The following PDE4D variants were observed in gnomAD, a reference collection of about 807,000 sequenced individuals.
The protein encoded by PDE4D is phosphodiesterase 4D, also known as 3',5'-cyclic-AMP phosphodiesterase 4D.
Under a neutral mutation model 87.4 loss-of-function variants are expected in PDE4D, and 24 were observed. The ratio of observed to expected loss-of-function variants is 0.27; its 90% CI spans 0.20 to 0.39. PDE4D has a LOEUF of 0.39. Ranked by LOEUF, PDE4D falls within the 10% of genes least tolerant of loss-of-function variation. The pLI, the probability that PDE4D is intolerant of heterozygous loss-of-function variation, is 1.00. For synonymous variants in PDE4D, 384 were observed against 383.2 expected, an observed-to-expected ratio of 1.00 and a Z score of -0.02; for missense variants, 714 against 1,041.0, an observed-to-expected ratio of 0.69 and a Z score of 4.32.
intron 1 of PDE4D, among the ~76,000 whole-genome samples, chr5:59,715,384 G>A (rs1346802308): frequency 6.6e-6 from 1 of 152,200 alleles, no homozygotes; most frequent in East Asian, 1.9e-4. Context: ...ATTTAAGGAA[G>A]GGCATCCCCC....
chr5:59,963,308 G>A (rs184858957), intron 3 of PDE4D, among the ~76,000 whole-genome samples: 59 of 152,230 alleles, frequency 3.9e-4, no homozygotes, highest in Admixed American at 2.6e-3. Flanking sequence ...GTAACATTTT[G>A]ATTAATTCCC....
At chr5:59,050,487 T>C in intron 5 of PDE4D, among the ~76,000 whole-genome samples, 1 of 152,302 alleles carries the variant, frequency 6.6e-6, no homozygotes. Context: ...GAGAACAAAT[T>C]TCAGAACTCA....
intron 1 of PDE4D, among the ~76,000 whole-genome samples, chr5:60,505,593 G>C (rs1377349382): frequency 6.6e-6 from 1 of 152,150 alleles, no homozygotes; most frequent in South Asian, 2.1e-4. Context: ...GATTTAGCAG[G>C]CAAATTTACA....
In PDE4D at chr5:59,974,952, C is replaced by T. The variant is rs553458664; in HGVS notation, c.272+13536G>A. ...CTAACCTCTCTCAAATTTGACTCTT[C>T]GCTAAAGATGTCACTTCCCTGTGGT... is the stretch of plus-strand genomic sequence containing the variant. On this transcript the variant is annotated intron_variant, in intron 3 of 16. Coordinates refer to the PDE4D transcript ENST00000502484. Among the ~76,000 whole-genome samples, 5 of 152,270 alleles carry T rather than the reference C, an allele frequency of 3.3e-5. No individual in the cohort carries two copies. In the South Asian group the frequency reaches 1.0e-3, roughly 32 times the overall value.
At chr5:59,274,183 TTAAA>T (rs1285871738) in intron 1 of PDE4D, among the ~76,000 whole-genome samples, 1 of 152,156 alleles carries the variant, frequency 6.6e-6, no homozygotes, top group Non-Finnish European at 1.5e-5. Context: ...AATCTTTTCT[TTAAA>T]TAAACTCAAG....
chr5:58,977,583 A>G lies in PDE4D; in HGVS notation c.1553-238T>C, dbSNP rs566595936. Among the ~76,000 whole-genome samples the G allele has an allele frequency of 5.9e-5, 9 of 152,302 alleles. No homozygotes were observed. In the South Asian group the frequency reaches 1.9e-3, roughly 32 times the overall value. On this transcript the variant is annotated intron_variant, in intron 11 of 14. Coordinates refer to ENST00000340635, the MANE Select transcript of PDE4D (RefSeq NM_001104631.2). ...CATGTGGCAGGTCATTTCACTCTGT[A>G]GGTCTCAGCTTTCTCTAAAGTGAAA...
chr5:59,031,707 C>CAAAAAAAAA (rs70973183), intron 6 of PDE4D, among the ~76,000 whole-genome samples: 1 of 16,686 alleles, frequency 6.0e-5, no homozygotes, highest in Non-Finnish European at 1.0e-4. Context: ...GACTCCACCT[C>CAAAAAAAAA]AAAAAAAAAA....
chr5:59,278,766 T>C (rs1765290002), intron 1 of PDE4D, among the ~76,000 whole-genome samples: 1 of 152,074 alleles, frequency 6.6e-6, no homozygotes. Flanking sequence ...TAAGATATAT[T>C]AATAGAAAAA....
chr5:59,807,954 A>T (rs1767928721), intron 1 of PDE4D, among the ~76,000 whole-genome samples: 1 of 152,234 alleles, frequency 6.6e-6, no homozygotes. Context: ...CTGAATTTTA[A>T]GAAGCTCTTC....
intron 1 of PDE4D, among the ~76,000 whole-genome samples, chr5:59,871,933 C>T (rs977164783): frequency 6.6e-6 from 1 of 152,124 alleles, no homozygotes; most frequent in African/African-American, 2.4e-5. Flanking sequence ...TTTCATCCCA[C>T]TCTTTAACTC....
At chr5:59,817,341 G>C (rs1366425485) in intron 1 of PDE4D, among the ~76,000 whole-genome samples, 1 of 152,194 alleles carries the variant, frequency 6.6e-6, no homozygotes, top group East Asian at 1.9e-4. Context: ...GTGTGGGACA[G>C]TGTCTTAGGT....
chr5:59,422,928 T>C (rs748746034), intron 1 of PDE4D, among the ~76,000 whole-genome samples: 2 of 152,232 alleles, frequency 1.3e-5, no homozygotes, highest in Non-Finnish European at 2.9e-5. Flanking sequence ...CTATTGTTTA[T>C]TTCAATGTTT....
intron 1 of PDE4D, among the ~76,000 whole-genome samples, chr5:59,544,722 C>T (rs1229978653): frequency 6.6e-6 from 1 of 152,150 alleles, no homozygotes; most frequent in Non-Finnish European, 1.5e-5. Flanking sequence ...GAGAAGCGAG[C>T]TGTTAGCTGA....
rs1746318990 is a variant in PDE4D at position 60,454,445 on chromosome 5, T to C, written c.-90+33497A>G. 2.0e-5 allele frequency among the ~76,000 whole-genome samples: 3 copies of C among 152,172 alleles called. No individual in the cohort carries two copies. In the South Asian group the frequency reaches 6.2e-4, roughly 32 times the overall value. ...CTGAATAAAGAAAATGTGGTACATATATACCATGGAATACTATGCAGCCAT... is the reference window on the plus strand; with the variant it reads ...CTGAATAAAGAAAATGTGGTACATACATACCATGGAATACTATGCAGCCAT... On this transcript the variant is annotated intron_variant, in intron 1 of 16. Transcript: ENST00000502484.
chr5:59,199,973 C>T (rs1400122493), intron 2 of PDE4D, among the ~76,000 whole-genome samples: 2 of 150,538 alleles, frequency 1.3e-5, no homozygotes, highest in Non-Finnish European at 1.5e-5. Flanking sequence ...CAGGCACATA[C>T]ATACATATAT....
intron 1 of PDE4D, among the ~76,000 whole-genome samples, chr5:59,239,906 A>G (rs1323042526): frequency 6.6e-6 from 1 of 152,228 alleles, no homozygotes. Context: ...ATGTGAAAGC[A>G]CCTAGAACAG....
intron 2 of PDE4D, among the ~76,000 whole-genome samples, chr5:59,195,568 G>T (rs897428905): frequency 5.3e-5 from 8 of 152,340 alleles, no homozygotes; most frequent in African/African-American, 1.7e-4. Context: ...AAATGTACAA[G>T]AACTTGGATT....
At chr5:59,664,885 T>C (rs1745814384) in intron 1 of PDE4D, among the ~76,000 whole-genome samples, 1 of 152,226 alleles carries the variant, frequency 6.6e-6, no homozygotes, top group African/African-American at 2.4e-5. Context: ...CTTTAGATAC[T>C]TCCAGTTTTC....
chr5:60,411,967 A>G (rs1464209602), intron 1 of PDE4D, among the ~76,000 whole-genome samples: 1 of 152,186 alleles, frequency 6.6e-6, no homozygotes, highest in Non-Finnish European at 1.5e-5. Flanking sequence ...AATTATATTC[A>G]AAAAGATTAA....
Sources: allele counts gnomAD v4.1 joint callset (sites outside exome capture counted in the v4.1 genomes callset), GRCh38; gene constraint gnomAD v4.1.1; transcripts MANE v1.5; gene names NCBI Gene and HGNC (gene_info 2026-07-23, HGNC 2026-07-21).